Variants in GPHN observed in about 807,000 individuals in gnomAD.
GPHN encodes gephyrin.
Under a neutral mutation model 95.5 loss-of-function variants are expected in GPHN, and 17 were observed. That is an observed-to-expected ratio of 0.18 (90% CI 0.12 to 0.27). GPHN has a LOEUF of 0.27. Among genes scored for constraint, GPHN ranks in the 10% least tolerant of loss-of-function variants. The pLI is 1.00. For missense variants in GPHN, 660 were observed against 978.1 expected, an observed-to-expected ratio of 0.67 and a Z score of 4.34; for synonymous variants, 320 against 322.5, an observed-to-expected ratio of 0.99 and a Z score of 0.08.
At chr14:67,409,877 G>A in the GPHN span, among the ~76,000 whole-genome samples, 18 of 152,210 alleles carry the variant, frequency 1.2e-4, no homozygotes, top group Non-Finnish European at 2.1e-4. Flanking sequence ...GAGTAGAGGG[G>A]ATATGGAGGG....
chr14:67,214,639 G>C, the GPHN span, among the ~76,000 whole-genome samples: 1 of 151,952 alleles, frequency 6.6e-6, no homozygotes, highest in African/African-American at 2.4e-5. Context: ...GGATTGACTT[G>C]GCGATGCGGG....
At chr14:67,249,985 G>A in the GPHN span, among the ~76,000 whole-genome samples, 2 of 152,118 alleles carry the variant, frequency 1.3e-5, no homozygotes, top group African/African-American at 2.4e-5. Flanking sequence ...TGTAAGTAAC[G>A]CTTCGGAAAG....
At chr14:67,564,647 A>G in the GPHN span, among the ~76,000 whole-genome samples, 15 of 147,890 alleles carry the variant, frequency 1.0e-4, no homozygotes, top group Non-Finnish European at 2.1e-4. Flanking sequence ...TAGTAGAGAC[A>G]GGGTTTCACT....
At chr14:67,678,363 C>T in the GPHN span, 12 of 1,613,980 alleles carry the variant, frequency 7.4e-6, no homozygotes, top group Non-Finnish European at 9.3e-6. Context: ...TGACGTCCCA[C>T]AGCCGCCTTG....
At chr14:67,391,579 T>C in the GPHN span, among the ~76,000 whole-genome samples, 1 of 152,120 alleles carries the variant, frequency 6.6e-6, no homozygotes, top group Admixed American at 6.6e-5. Flanking sequence ...CGAGTAACGA[T>C]GGGAGTGGTG....
At chr14:67,709,849 A>G in the GPHN span, among the ~76,000 whole-genome samples, 1 of 152,168 alleles carries the variant, frequency 6.6e-6, no homozygotes, top group Non-Finnish European at 1.5e-5. Flanking sequence ...GAAAGGAAAT[A>G]TCTTGGGCCC....
At chr14:66,517,126 CAAAAAAAAAAAAAA>C (rs1171024713) in intron 1 of GPHN, among the ~76,000 whole-genome samples, 2 of 31,004 alleles carry the variant, frequency 6.5e-5, no homozygotes, top group South Asian at 1.2e-3. Context: ...GACTCCATCT[CAAAAAAAAAAAAAA>C]AAAAAAAAAA....
chr14:67,064,111 A>G (rs2075938857), intron 11 of GPHN, among the ~76,000 whole-genome samples: 1 of 152,178 alleles, frequency 6.6e-6, no homozygotes, highest in African/African-American at 2.4e-5. Context: ...CATTCCATCA[A>G]TACCTAGTTT....
At chr14:66,724,397 C>T (rs2071039404) in intron 2 of GPHN, among the ~76,000 whole-genome samples, 1 of 152,112 alleles carries the variant, frequency 6.6e-6, no homozygotes, top group Non-Finnish European at 1.5e-5. Flanking sequence ...CAGTTTTCTC[C>T]AAACTCTGTC....
the GPHN span, among the ~76,000 whole-genome samples, chr14:67,478,720 G>T: frequency 1.3e-5 from 2 of 152,050 alleles, no homozygotes; most frequent in Non-Finnish European, 2.9e-5. Context: ...ACCCAGGGCC[G>T]GTGAACCCTC....
At chr14:67,282,409 GT>G in the GPHN span, among the ~76,000 whole-genome samples, 2 of 152,072 alleles carry the variant, frequency 1.3e-5, no homozygotes, top group African/African-American at 4.8e-5. Context: ...GAAGCCTTCA[GT>G]TTCTAAACAA....
At chr14:66,763,903 T>TGTGAAC (rs2058857607) in intron 2 of GPHN, among the ~76,000 whole-genome samples, 1 of 152,082 alleles carries the variant, frequency 6.6e-6, no homozygotes, top group African/African-American at 2.4e-5. Flanking sequence ...CAAACCCTAT[T>TGTGAAC]GTGAACTGCA....
At chr14:66,992,732 T>C (rs764592447) in intron 9 of GPHN, among the ~76,000 whole-genome samples, 2 of 152,180 alleles carry the variant, frequency 1.3e-5, no homozygotes, top group Non-Finnish European at 2.9e-5. Flanking sequence ...CCTGTTTTTT[T>C]ATAGGCCCAC....
At chr14:67,402,449 T>C in the GPHN span, among the ~76,000 whole-genome samples, 1 of 152,226 alleles carries the variant, frequency 6.6e-6, no homozygotes, top group African/African-American at 2.4e-5. Context: ...CTTTTGGTTA[T>C]TTTTAAACGT....
At chr14:66,592,368 A>G (rs944274634) in intron 1 of GPHN, among the ~76,000 whole-genome samples, 1 of 151,902 alleles carries the variant, frequency 6.6e-6, no homozygotes, top group Non-Finnish European at 1.5e-5. Flanking sequence ...GAACAGGCAG[A>G]CTACAGAATG....
At chr14:66,693,739 T>G (rs1205936965) in intron 2 of GPHN, among the ~76,000 whole-genome samples, 1 of 152,158 alleles carries the variant, frequency 6.6e-6, no homozygotes, top group Non-Finnish European at 1.5e-5. Context: ...GAAATAATGC[T>G]TTATCAGTAC....
chr14:67,665,921 CTGAAA>C, the GPHN span, among the ~76,000 whole-genome samples: 2 of 152,188 alleles, frequency 1.3e-5, no homozygotes, highest in African/African-American at 4.8e-5. Context: ...TATGATGTAA[CTGAAA>C]TGAGCACCAA....
chr14:67,398,002 C>T, the GPHN span: 3 of 445,290 alleles, frequency 6.7e-6, no homozygotes, highest in Admixed American at 8.4e-5. Flanking sequence ...ACCTTTGGCA[C>T]TGACCTTCTA....
chr14:66,508,984 T>G lies in GPHN; in HGVS notation c.64+393T>G. The G allele has an allele frequency of 1.1e-5, 3 of 281,954 alleles. No homozygotes were observed. The South Asian group carries it at 1.1e-4, about 10-fold the overall frequency. The allele number at this position is 281,954 out of a possible 1,614,324, so 17.5% of individuals were successfully genotyped here. A position where few individuals can be genotyped will look rare whatever the true frequency, so the allele number is the denominator to read the frequency against. On this transcript the variant is annotated intron_variant, in intron 1 of 22. Transcript: ENST00000478722. ...CTGGGCGCATCCTCCGCTAGTGCTCTTCAGAGAGAGGGGGGAATCCCATCT... is the reference window on the plus strand; with the variant it reads ...CTGGGCGCATCCTCCGCTAGTGCTCGTCAGAGAGAGGGGGGAATCCCATCT...
Sources: allele counts gnomAD v4.1 joint callset (sites outside exome capture counted in the v4.1 genomes callset), GRCh38; gene constraint gnomAD v4.1.1; transcripts MANE v1.5; gene names NCBI Gene and HGNC (gene_info 2026-07-23, HGNC 2026-07-21).